Variants in CCL17 observed in about 807,000 individuals in gnomAD.
CCL17 encodes C-C motif chemokine 17.
CCL17 carries 8 observed loss-of-function variants against 7.4 expected under a neutral mutation model. The observed-to-expected ratio is 1.09, with a 90% CI of 0.64 to 1.96. CCL17 has a LOEUF of 1.96. CCL17 is among the 30% of genes most tolerant of loss of function. CCL17 has a pLI of 0.00. For synonymous variants in CCL17, 40 were observed against 46.1 expected (o/e 0.87, Z 0.54); for missense variants, 102 against 113.0 (o/e 0.90, Z 0.44).
intron 1 of CCL17, among the ~76,000 whole-genome samples, chr16:57,410,742 C>A (rs1902770410): frequency 6.6e-6 from 1 of 152,208 alleles, no homozygotes; most frequent in Non-Finnish European, 1.5e-5. Context: ...GAAACCACCT[C>A]AAAAATGTCC....
chr16:57,410,807 A>C (rs1902771754), intron 1 of CCL17, among the ~76,000 whole-genome samples: 2 of 152,114 alleles, frequency 1.3e-5, no homozygotes, highest in South Asian at 4.1e-4. Context: ...CTTTGCATCC[A>C]TCTCGCCTTC....
intron 2 of CCL17, 144 bp from the exon 3 acceptor site, chr16:57,414,937 T>C (rs1567564715): frequency 2.9e-6 from 2 of 690,134 alleles, no homozygotes; most frequent in South Asian, 1.6e-5. Flanking sequence ...CACATACACA[T>C]AGGCAGTGAT....
rs149367659 is a variant in CCL17, at chr16:57,415,695, CG to C, written c.189-67del. ...CCTTGGAATCCTGGTCAGCACAGGG[CG>C]GGCCGTCCCAGGGACTCTGGGGGCC... On this transcript the variant is annotated intron_variant, in intron 3 of 3. Transcript: ENST00000219244. The surrounding 1 kb of genome is among the most constrained non-coding windows in gnomAD (Gnocchi z 4.5). 43,978 of 966,928 alleles carry C rather than the reference CG, an allele frequency of 0.045. 1,617 individuals carry two copies. The highest frequency in any genetic ancestry group is 0.15 in the African/African-American group (9,584 of 62,626). The allele number at this position is 966,928 out of a possible 1,614,324, so 59.9% of individuals were successfully genotyped here.
upstream of CCL17, among the ~76,000 whole-genome samples, chr16:57,400,554 G>A (rs529388361): frequency 6.6e-6 from 1 of 151,996 alleles, no homozygotes; most frequent in South Asian, 2.1e-4. Context: ...TAAGTTTCAA[G>A]CTTTAAGACC....
At chr16:57,399,000 G>T in the CCL17 span, among the ~76,000 whole-genome samples, 1 of 152,176 alleles carries the variant, frequency 6.6e-6, no homozygotes, top group Non-Finnish European at 1.5e-5. Flanking sequence ...AGAGTGCAGG[G>T]GAATGCAGAA....
Position 57,415,830 on chromosome 16 carries a change from T to C in CCL17, c.254T>C (p.Val85Ala). The C allele has an allele frequency of 6.2e-7, 1 of 1,611,430 alleles. No homozygotes were observed. Among genetic ancestry groups the C allele is most frequent in the South Asian group, 1.1e-5 (1 of 91,022 alleles). ...AACAACAAGAGAGTGAAGAATGCAG[T>C]TAAATACCTGCAAAGCCTTGAGAGG... The part of the protein sequence containing the change: ...DPNNKRVKNA[V>A]KYLQSLERS Residue 85 changes from valine (V) to alanine (A), a missense_variant, in exon 4 of 4, where the codon GTT (valine) becomes GCT (alanine). Val to Ala is a moderately conservative substitution (Grantham distance 64, BLOSUM62 0). Coordinates refer to ENST00000219244, the MANE Select transcript of CCL17 (RefSeq NM_002987.3). The surrounding 1 kb of genome is among the most constrained non-coding windows in gnomAD (Gnocchi z 4.5).
chr16:57,397,945 T>A, the CCL17 span, among the ~76,000 whole-genome samples: 1 of 152,142 alleles, frequency 6.6e-6, no homozygotes, highest in African/African-American at 2.4e-5. Flanking sequence ...CAGGATTAGC[T>A]AAGGGGACTT....
At chr16:57,413,396 G>A (rs1902816587) in intron 1 of CCL17, among the ~76,000 whole-genome samples, 1 of 151,666 alleles carries the variant, frequency 6.6e-6, no homozygotes, top group African/African-American at 2.4e-5. Context: ...GCTCACTCAT[G>A]GTCCAGGAGC....
chr16:57,404,171 G>A (rs564929968), upstream of CCL17, among the ~76,000 whole-genome samples: 5 of 152,274 alleles, frequency 3.3e-5, no homozygotes, highest in East Asian at 1.9e-4. Flanking sequence ...AACTCGCGGG[G>A]CCTCGTGGCT....
intron 1 of CCL17, among the ~76,000 whole-genome samples, chr16:57,409,111 A>T (rs1957182704): frequency 6.6e-6 from 1 of 152,252 alleles, no homozygotes; most frequent in Admixed American, 6.5e-5. Flanking sequence ...CTTTTGTGTG[A>T]GTCCCAACAA....
intron 1 of CCL17, among the ~76,000 whole-genome samples, chr16:57,408,254 A>G (rs1182519769): frequency 5.9e-5 from 9 of 151,268 alleles, no homozygotes. Flanking sequence ...CCATTCTTTC[A>G]TCCACCTTCC....
chr16:57,402,226 A>G (rs1240589894), upstream of CCL17, among the ~76,000 whole-genome samples: 1 of 152,176 alleles, frequency 6.6e-6, no homozygotes, highest in East Asian at 1.9e-4. Context: ...GGGGAGAGCC[A>G]TGACCCAGGT....
chr16:57,398,169 C>A, the CCL17 span, among the ~76,000 whole-genome samples: 1 of 152,230 alleles, frequency 6.6e-6, no homozygotes, highest in South Asian at 2.1e-4. Flanking sequence ...ATGCCATTTA[C>A]ATCATGAGTA....
intron 1 of CCL17, among the ~76,000 whole-genome samples, chr16:57,408,368 A>G (rs529524848): frequency 1.3e-5 from 2 of 152,224 alleles, no homozygotes; most frequent in East Asian, 3.9e-4. Context: ...CCATTCATTC[A>G]TTCACCCATC....
At chr16:57,406,905 C>T (rs143564816) in intron 1 of CCL17, among the ~76,000 whole-genome samples, 51 of 152,218 alleles carry the variant, frequency 3.4e-4, no homozygotes, top group African/African-American at 1.2e-3. Flanking sequence ...GTAATCACTG[C>T]CCAATGTAAG....
chr16:57,407,756 C>G (rs1902718594), intron 1 of CCL17, among the ~76,000 whole-genome samples: 1 of 151,866 alleles, frequency 6.6e-6, no homozygotes, highest in African/African-American at 2.4e-5. Context: ...CATCATCCAT[C>G]CATCCATCCA....
In CCL17 at chr16:57,405,669, G is replaced by T. The variant is rs192483863; in HGVS notation, c.-60+833G>T. On this transcript the variant is annotated intron_variant, in intron 1 of 3. Coordinates refer to ENST00000219244, the MANE Select transcript of CCL17 (RefSeq NM_002987.3). ...GCTGAGGGGTGCCACAGAAAGATGG[G>T]CCGGAAGGAGGAGTGTCCAGGTGGG... 1.1e-3 allele frequency among the ~76,000 whole-genome samples: 174 copies of T among 152,196 alleles called. 2 individuals are homozygous for T. Among genetic ancestry groups the T allele is most frequent in the African/African-American group, 4.0e-3 (166 of 41,514 alleles).
chr16:57,396,407 G>C, the CCL17 span, among the ~76,000 whole-genome samples: 1 of 152,188 alleles, frequency 6.6e-6, no homozygotes, highest in Non-Finnish European at 1.5e-5. Flanking sequence ...CATACTCCTA[G>C]AGTACTTGCC....
chr16:57,415,171 C>G lies in CCL17; in HGVS notation c.161C>G (p.Ser54Cys). Reference sequence around the variant, plus strand: ...AAGCTGAAGACGTGGTACCAGACATCTGAGGACTGCTCCAGGGATGCCATC... The same window carrying G: ...AAGCTGAAGACGTGGTACCAGACATGTGAGGACTGCTCCAGGGATGCCATC... ...LRKLKTWYQT[S>C]EDCSRDAIVF... Residue 54 changes from serine to cysteine, a missense_variant, in exon 3 of 4, where the codon TCT (serine) becomes TGT (cysteine). Transcript: ENST00000219244. This position sits in a 1 kb window ranked among gnomAD's most constrained non-coding sequence, Gnocchi z 4.5. 1 of 1,612,330 alleles carries G rather than the reference C, an allele frequency of 6.2e-7. No homozygotes were observed. Among genetic ancestry groups the G allele is most frequent in the Non-Finnish European group, 8.5e-7 (1 of 1,178,366 alleles).
Sources: gnomAD v4.1 joint callset for allele counts (sites outside exome capture counted in the v4.1 genomes callset) on GRCh38, gnomAD v4.1.1 for gene constraint, Gnocchi (gnomAD v3.1) non-coding constraint, MANE v1.5 for transcripts, NCBI Gene and HGNC (gene_info 2026-07-23, HGNC 2026-07-21) for gene names.